Variants in PDSS2 observed in about 807,000 individuals in gnomAD.
PDSS2 encodes the protein decaprenyl diphosphate synthase subunit 2.
A neutral mutation model predicts 44.5 loss-of-function variants in PDSS2; 31 were observed. The ratio of observed to expected loss-of-function variants is 0.70; its 90% confidence interval spans 0.52 to 0.94. The LOEUF (loss-of-function observed/expected upper bound fraction) is 0.94, where lower values mean the gene tolerates loss of function less well. Ranked by LOEUF, PDSS2 falls within the 40% of genes least tolerant of loss-of-function variation. The pLI, the probability that PDSS2 is intolerant of heterozygous loss-of-function variation, is 0.00. For missense variants in PDSS2, 452 were observed against 482.2 expected (o/e 0.94, Z 0.59); for synonymous variants, 157 against 180.3 (o/e 0.87, Z 1.03).
At chr6:107,221,849 G>T (rs1326331157) in intron 4 of PDSS2, among the ~76,000 whole-genome samples, 8 of 152,144 alleles carry the variant, frequency 5.3e-5, no homozygotes, top group Non-Finnish European at 1.2e-4. Context: ...GAACTAATTG[G>T]CCCGGAAAGG....
chr6:107,239,634 CT>C (rs1177940710), intron 4 of PDSS2, among the ~76,000 whole-genome samples: 9,956 of 76,676 alleles, frequency 0.13, 66 homozygotes, highest in African/African-American at 0.16. Flanking sequence ...TGTACTCTAC[CT>C]TTTTTTTTTT....
chr6:107,340,479 C>T (rs1323879036), intron 1 of PDSS2, among the ~76,000 whole-genome samples: 2 of 152,212 alleles, frequency 1.3e-5, no homozygotes, highest in African/African-American at 4.8e-5. Flanking sequence ...GATCCTCAAA[C>T]CACCACTGTG....
chr6:107,199,260 T>C (rs1272707837), intron 6 of PDSS2, among the ~76,000 whole-genome samples: 1 of 152,128 alleles, frequency 6.6e-6, no homozygotes, highest in East Asian at 1.9e-4. Flanking sequence ...CTCTTGGAAT[T>C]TATATTCTAG....
At chr6:107,303,070 G>A (rs1413450797) in intron 2 of PDSS2, among the ~76,000 whole-genome samples, 2 of 152,084 alleles carry the variant, frequency 1.3e-5, no homozygotes, top group African/African-American at 4.8e-5. Context: ...ATAGTTCATG[G>A]TTCTGGATGC....
chr6:107,440,108 C>T (rs1205369094), intron 1 of PDSS2, among the ~76,000 whole-genome samples: 1 of 152,178 alleles, frequency 6.6e-6, no homozygotes, highest in African/African-American at 2.4e-5. Context: ...TGCTAAGTGT[C>T]CCTATATGGT....
chr6:107,270,604 G>A (rs527780429), intron 3 of PDSS2, among the ~76,000 whole-genome samples: 2 of 152,230 alleles, frequency 1.3e-5, no homozygotes, highest in South Asian at 4.1e-4. Context: ...GATCAATTGT[G>A]TGTGTGCCAC....
At chr6:107,245,147 C>A (rs1774564655) in intron 4 of PDSS2, among the ~76,000 whole-genome samples, 1 of 152,142 alleles carries the variant, frequency 6.6e-6, no homozygotes, top group Non-Finnish European at 1.5e-5. Flanking sequence ...CCCCAACAGT[C>A]ATCTTCTTAG....
chr6:107,267,431 G>C (rs954132097), intron 3 of PDSS2, among the ~76,000 whole-genome samples: 1 of 152,140 alleles, frequency 6.6e-6, no homozygotes, highest in African/African-American at 2.4e-5. Flanking sequence ...CAGTTTGTGA[G>C]TCCCAGGGGC....
chr6:107,328,734 T>C (rs1041036059), intron 2 of PDSS2, among the ~76,000 whole-genome samples: 4 of 152,188 alleles, frequency 2.6e-5, no homozygotes, highest in Admixed American at 6.5e-5. Context: ...GGAAACAATA[T>C]CTCAGAGTCA....
chr6:107,369,489 A>C (rs376311816), intron 1 of PDSS2, among the ~76,000 whole-genome samples: 1 of 152,108 alleles, frequency 6.6e-6, no homozygotes. Context: ...ACATCATATA[A>C]AAAATTAACT....
intron 1 of PDSS2, among the ~76,000 whole-genome samples, chr6:107,345,059 T>C (rs1186902775): frequency 6.6e-6 from 1 of 151,954 alleles, no homozygotes; most frequent in Non-Finnish European, 1.5e-5. Context: ...AAATTGAGTG[T>C]AGGAATACAG....
chr6:107,440,013 T>C (rs1053007850), intron 1 of PDSS2, among the ~76,000 whole-genome samples: 9 of 152,036 alleles, frequency 5.9e-5, no homozygotes, highest in Admixed American at 2.6e-4. Context: ...CTTGGCTAAA[T>C]GTTAGTGTTT....
At chr6:107,317,316 A>C (rs1029845516) in intron 2 of PDSS2, among the ~76,000 whole-genome samples, 5 of 152,198 alleles carry the variant, frequency 3.3e-5, no homozygotes, top group African/African-American at 7.2e-5. Context: ...AAAAAAGCAC[A>C]ACCAGATGTG....
intron 3 of PDSS2, among the ~76,000 whole-genome samples, chr6:107,268,096 T>C (rs117313640): frequency 2.6e-3 from 393 of 152,334 alleles, no homozygotes; most frequent in Non-Finnish European, 4.1e-3. Flanking sequence ...TCTCCTAGTA[T>C]CTTTTATCTG....
rs35614951 is a variant in PDSS2, at chr6:107,245,418, CAAAAAAAAAAAAAAA to C, written c.702+115_702+129del. ...ATGAATTTGTAGCCAAAACACTAAT[CAAAAAAAAAAAAAAA>C]AAAAAAAAAAAAGCCATGTACAATT... is the stretch of plus-strand genomic sequence containing the variant. On this transcript the variant is annotated intron_variant, in intron 4 of 7. Coordinates refer to ENST00000369037, the MANE Select transcript of PDSS2 (RefSeq NM_020381.4). The C allele has an allele frequency of 2.4e-4, 29 of 120,346 alleles. No individual in the cohort carries two copies. The African/African-American group carries it at 3.1e-3, about 13-fold the overall frequency. The allele number at this position is 120,346 out of a possible 1,614,324, so 7.5% of individuals were successfully genotyped here.
intron 3 of PDSS2, among the ~76,000 whole-genome samples, chr6:107,260,750 A>G (rs999341373): frequency 7.7e-6 from 1 of 130,672 alleles, no homozygotes; most frequent in Admixed American, 9.4e-5. Flanking sequence ...TGCAAGCTCC[A>G]CCTCCCGTGT....
chr6:107,305,131 G>C (rs1223220203), intron 2 of PDSS2, among the ~76,000 whole-genome samples: 1 of 151,956 alleles, frequency 6.6e-6, no homozygotes, highest in Non-Finnish European at 1.5e-5. Flanking sequence ...CCAACTCCCA[G>C]ACAATGCTTC....
At chr6:107,311,118 A>T (rs1777031778) in intron 2 of PDSS2, among the ~76,000 whole-genome samples, 1 of 150,156 alleles carries the variant, frequency 6.7e-6, no homozygotes, top group African/African-American at 2.5e-5. Flanking sequence ...GGGTTTCATC[A>T]TGTTGGCCAG....
chr6:107,265,276 C>A (rs1775377410), intron 3 of PDSS2, among the ~76,000 whole-genome samples: 1 of 152,174 alleles, frequency 6.6e-6, no homozygotes, highest in Non-Finnish European at 1.5e-5. Flanking sequence ...CATTTGACTG[C>A]AGAACCCTTC....
Sources: allele counts gnomAD v4.1 joint callset (sites outside exome capture counted in the v4.1 genomes callset), GRCh38; gene constraint gnomAD v4.1.1; transcripts MANE v1.5; gene names NCBI Gene and HGNC (gene_info 2026-07-23, HGNC 2026-07-21).